The following POLK variants were observed in gnomAD, a reference collection of about 807,000 sequenced individuals.
POLK encodes the protein DNA polymerase kappa.
POLK carries 76 observed loss-of-function variants against 94.0 expected under a neutral mutation model. That is an observed-to-expected ratio of 0.81 (90% CI 0.67 to 0.98). The LOEUF (loss-of-function observed/expected upper bound fraction) is 0.98. Ranked by LOEUF, POLK falls within the 50% of genes least tolerant of loss-of-function variation. POLK has a pLI of 0.00. For missense variants in POLK, 954 were observed against 1,010.1 expected, an observed-to-expected ratio of 0.94 and a Z score of 0.75; for synonymous variants, 349 against 325.4, an observed-to-expected ratio of 1.07 and a Z score of -0.78.
At chr5:75,602,457 G>A (rs554141403), downstream of POLK, among the ~76,000 whole-genome samples, 3 of 152,300 alleles carry the variant, frequency 2.0e-5, no homozygotes, top group Non-Finnish European at 2.9e-5. Flanking sequence ...GGGCCAGTAC[G>A]TGAAGACACC....
intron 6 of POLK, among the ~76,000 whole-genome samples, chr5:75,577,709 T>C (rs921473104): frequency 2.6e-5 from 4 of 152,158 alleles, no homozygotes; most frequent in Non-Finnish European, 5.9e-5. Flanking sequence ...GGAGACCTGT[T>C]TGTAACTTTC....
intron 7 of POLK, 134 bp downstream of exon 7, chr5:75,581,582 C>A: frequency 2.7e-6 from 2 of 735,614 alleles, no homozygotes; most frequent in Non-Finnish European, 4.4e-6. Context: ...CAACTTCTAA[C>A]AACTTTACCT....
intron 7 of POLK, chr5:75,582,786 T>TA (rs1374958817): frequency 6.6e-6 from 1 of 152,440 alleles, no homozygotes; most frequent in Non-Finnish European, 1.5e-5. Context: ...CCATCTCTAC[T>TA]AAAAATACAA....
At chr5:75,586,079 A>T (rs929887240) in intron 9 of POLK, among the ~76,000 whole-genome samples, 1 of 152,118 alleles carries the variant, frequency 6.6e-6, no homozygotes, top group Non-Finnish European at 1.5e-5. Flanking sequence ...TAATCCAAAA[A>T]TTTTTTTATT....
chr5:75,574,009 G>A, intron 5 of POLK, 140 bp downstream of exon 5: 1 of 698,222 alleles, frequency 1.4e-6, no homozygotes, highest in Non-Finnish European at 2.4e-6. Context: ...TCTTCAGCTT[G>A]TATATTGAAT....
At chr5:75,583,485 A>G in intron 8 of POLK, 68 bp downstream of exon 8, 10 of 852,586 alleles carry the variant, frequency 1.2e-5, no homozygotes, top group Non-Finnish European at 1.7e-5. Context: ...GTGTAGGCCA[A>G]TAGTTAATCA....
chr5:75,574,605 T>C (rs2112787953), intron 5 of POLK, among the ~76,000 whole-genome samples: 1 of 152,346 alleles, frequency 6.6e-6, no homozygotes, highest in East Asian at 1.9e-4. Context: ...TTAAAAAAAC[T>C]GTGACCTAAT....
At chr5:75,581,354 C>T in exon 7 of POLK, 1 of 1,613,774 alleles carries the variant, frequency 6.2e-7, no homozygotes, top group African/African-American at 1.3e-5. Flanking sequence ...CTCAAATACT[C>T]CAAAACTCAG....
chr5:75,520,797 G>A (rs1275725598), intron 1 of POLK, among the ~76,000 whole-genome samples: 1 of 152,124 alleles, frequency 6.6e-6, no homozygotes, highest in Admixed American at 6.5e-5. Flanking sequence ...TGTAAAATGA[G>A]TCTGGTGATG....
At chr5:75,567,402 T>C (rs1771336044) in intron 3 of POLK, among the ~76,000 whole-genome samples, 1 of 152,204 alleles carries the variant, frequency 6.6e-6, no homozygotes, top group Admixed American at 6.5e-5. Context: ...AGAATTGAGG[T>C]ACTAAAAGAA....
rs1771450850 is a variant in POLK at position 75,569,222 on chromosome 5, T to TG, written c.256-117dup. The stretch of plus-strand genomic sequence containing the variant: ...ATGGATGAATGGATGGATGGATGGA[T>TG]GAATGGGTGTGTGGACAGAGACTGA... On this transcript the variant is annotated intron_variant, in intron 3 of 14. Transcript: ENST00000241436. 8 of 644,612 alleles carry TG rather than the reference T, an allele frequency of 1.2e-5. No homozygotes were observed. The East Asian group carries it at 2.3e-4, about 19-fold the overall frequency. The allele number at this position is 644,612 out of a possible 1,614,324, so 39.9% of individuals were successfully genotyped here.
Position 75,580,615 on chromosome 5 carries a change from C to T in POLK, c.695-594C>T, listed in dbSNP as rs139319030. ...TTTCACAGGTAATTTCTATTTATTA[C>T]AAATGTGCCCTTAGTCAAAGTGATA... On this transcript the variant is annotated intron_variant, in intron 6 of 14. Transcript: ENST00000241436. 245 of 643,042 alleles carry T rather than the reference C, an allele frequency of 3.8e-4. 4 individuals are homozygous for T. In the East Asian group the frequency reaches 0.027, roughly 71 times the overall value. 39.8% of individuals were successfully genotyped at this position (643,042 alleles called of 1,614,324 possible).
At chr5:75,575,935 G>T (rs1581060296) in intron 5 of POLK, among the ~76,000 whole-genome samples, 2 of 151,834 alleles carry the variant, frequency 1.3e-5, no homozygotes, top group Admixed American at 1.3e-4. Flanking sequence ...TTTGAGGCAG[G>T]GTCTCACTCT....
chr5:75,568,932 A>G (rs1230212268), intron 3 of POLK: 4 of 208,432 alleles, frequency 1.9e-5, no homozygotes, highest in African/African-American at 9.5e-5. Context: ...CAGTAGAATC[A>G]TTTGATAAAA....
intron 1 of POLK, among the ~76,000 whole-genome samples, chr5:75,538,102 C>T (rs1468528497): frequency 3.3e-5 from 5 of 152,110 alleles, no homozygotes; most frequent in Admixed American, 6.5e-5. Context: ...GTGATCCACC[C>T]GCCTCGGCCT....
chr5:75,596,646 A>T, exon 13 of POLK: 1 of 1,614,134 alleles, frequency 6.2e-7, no homozygotes. Flanking sequence ...ATGGACCTTC[A>T]ATCAGTGAAA....
chr5:75,542,626 C>CACATATATACACATAT (rs1211400007), intron 1 of POLK, among the ~76,000 whole-genome samples: 9 of 148,542 alleles, frequency 6.1e-5, no homozygotes, highest in Non-Finnish European at 1.2e-4. Context: ...CATATATATA[C>CACATATATACACATAT]ACATATATAC....
downstream of POLK, among the ~76,000 whole-genome samples, chr5:75,605,501 T>C (rs1442988892): frequency 3.3e-5 from 5 of 152,200 alleles, no homozygotes; most frequent in African/African-American, 7.2e-5. Context: ...TTTTTCCCTC[T>C]CAGAATATGC....
intron 2 of POLK, among the ~76,000 whole-genome samples, chr5:75,547,701 A>G (rs897118591): frequency 1.3e-5 from 2 of 152,238 alleles, no homozygotes; most frequent in South Asian, 2.1e-4. Context: ...TGTTTCACCA[A>G]CTACACATAG....
Sources: gnomAD v4.1 joint callset for allele counts (sites outside exome capture counted in the v4.1 genomes callset) on GRCh38, gnomAD v4.1.1 for gene constraint, MANE v1.5 for transcripts, NCBI Gene and HGNC (gene_info 2026-07-23, HGNC 2026-07-21) for gene names.